The following IQGAP2 variants were observed in gnomAD, a reference collection of about 807,000 sequenced individuals.
IQGAP2 encodes ras GTPase-activating-like protein IQGAP2.
A neutral mutation model predicts 201.3 loss-of-function variants in IQGAP2; 173 were observed. The observed-to-expected ratio is 0.86, with a 90% CI of 0.76 to 0.98. The LOEUF (loss-of-function observed/expected upper bound fraction) is 0.98. Among genes scored for constraint, IQGAP2 ranks in the 50% least tolerant of loss-of-function variants. The pLI is 0.00. For synonymous variants in IQGAP2, 675 were observed against 673.9 expected (o/e 1.00, Z -0.03); for missense variants, 1,687 against 1,864.8 (o/e 0.90, Z 1.76).
chr5:76,446,158 A>G (rs530051547), intron 1 of IQGAP2, among the ~76,000 whole-genome samples: 35 of 152,308 alleles, frequency 2.3e-4, no homozygotes, highest in African/African-American at 8.4e-4. Flanking sequence ...TTAGGTACAA[A>G]TATCTGCTGG....
At chr5:76,409,452 G>A (rs1027309993) in intron 1 of IQGAP2, among the ~76,000 whole-genome samples, 3 of 151,544 alleles carry the variant, frequency 2.0e-5, no homozygotes, top group Non-Finnish European at 2.9e-5. Context: ...TCATCATGTC[G>A]GCCAGGCTGG....
At chr5:76,509,029 ATGTG>A (rs70982616) in intron 2 of IQGAP2, among the ~76,000 whole-genome samples, 1,842 of 148,944 alleles carry the variant, frequency 0.012, 20 homozygotes, top group African/African-American at 0.029. Flanking sequence ...CTGTATATAT[ATGTG>A]TGTGTGTGTG....
chr5:76,623,110 T>C (rs1749869715), intron 13 of IQGAP2: 1 of 1,540,632 alleles, frequency 6.5e-7, no homozygotes, highest in Non-Finnish European at 9.0e-7. Flanking sequence ...TTCAGTTGAC[T>C]CTTAATTTGT....
intron 9 of IQGAP2, among the ~76,000 whole-genome samples, chr5:76,595,993 T>C (rs1438718547): frequency 6.6e-6 from 1 of 152,100 alleles, no homozygotes; most frequent in East Asian, 1.9e-4. Flanking sequence ...AATTTTTTGG[T>C]TTGTCACATT....
chr5:76,427,067 A>C (rs1448867854), intron 1 of IQGAP2, among the ~76,000 whole-genome samples: 1 of 152,168 alleles, frequency 6.6e-6, no homozygotes, highest in Non-Finnish European at 1.5e-5. Context: ...TCTCAGCCTC[A>C]GCACTGCTGA....
At chr5:76,655,275 T>C (rs1158243041) in intron 20 of IQGAP2, among the ~76,000 whole-genome samples, 3 of 152,030 alleles carry the variant, frequency 2.0e-5, no homozygotes, top group Admixed American at 6.5e-5. Context: ...ATGCTGATTT[T>C]TTTTTTTCAA....
chr5:76,696,117 GAAAAC>G (rs1310798360), intron 32 of IQGAP2, among the ~76,000 whole-genome samples: 1 of 152,130 alleles, frequency 6.6e-6, no homozygotes, highest in Non-Finnish European at 1.5e-5. Flanking sequence ...ACTTTTAAGA[GAAAAC>G]AATCACAACA....
intron 17 of IQGAP2, among the ~76,000 whole-genome samples, chr5:76,643,864 C>T (rs1751787493): frequency 6.6e-6 from 1 of 152,048 alleles, no homozygotes; most frequent in African/African-American, 2.4e-5. Context: ...AGGGGATGGC[C>T]TGGGAGAGTC....
intron 17 of IQGAP2, among the ~76,000 whole-genome samples, chr5:76,647,085 A>G (rs752381524): frequency 2.6e-5 from 4 of 152,150 alleles, no homozygotes; most frequent in Non-Finnish European, 5.9e-5. Context: ...TAATATAGTA[A>G]GCTTTAAGGA....
chr5:76,462,129 C>T (rs777575357), intron 2 of IQGAP2, among the ~76,000 whole-genome samples: 12 of 152,312 alleles, frequency 7.9e-5, no homozygotes, highest in Non-Finnish European at 1.5e-4. Context: ...CAGGAAATCA[C>T]GGGGCCAACT....
intron 1 of IQGAP2, among the ~76,000 whole-genome samples, chr5:76,422,722 A>G (rs979999707): frequency 6.6e-6 from 1 of 152,228 alleles, no homozygotes; most frequent in Admixed American, 6.5e-5. Context: ...GGACAGGTCT[A>G]TGAGAAGGAG....
intron 4 of IQGAP2, among the ~76,000 whole-genome samples, chr5:76,572,324 G>C (rs986003672): frequency 6.6e-6 from 1 of 150,758 alleles, no homozygotes; most frequent in Non-Finnish European, 1.5e-5. Flanking sequence ...AGTGATTCTC[G>C]GGGTTATCAC....
At chr5:76,586,105 A>T (rs1006617855) in intron 5 of IQGAP2, among the ~76,000 whole-genome samples, 5 of 152,192 alleles carry the variant, frequency 3.3e-5, no homozygotes, top group Admixed American at 3.3e-4. Context: ...GTTGGCATGA[A>T]CCTTTGGTAG....
At chr5:76,592,962 C>A in intron 9 of IQGAP2, 37 bp downstream of exon 9, 1 of 1,373,028 alleles carries the variant, frequency 7.3e-7, no homozygotes, top group Non-Finnish European at 1.0e-6. Context: ...TTGATATTTC[C>A]GTAAGATACA....
chr5:76,665,646 G>A (rs1179509257), intron 22 of IQGAP2, among the ~76,000 whole-genome samples: 1 of 152,170 alleles, frequency 6.6e-6, no homozygotes, highest in Non-Finnish European at 1.5e-5. Flanking sequence ...AAGAGCCAGA[G>A]GGTTTGGGAT....
intron 2 of IQGAP2, among the ~76,000 whole-genome samples, chr5:76,509,029 ATGTGTGTGTGTG>A (rs70982616): frequency 8.7e-5 from 13 of 148,952 alleles, no homozygotes; most frequent in East Asian, 4.0e-4. Context: ...CTGTATATAT[ATGTGTGTGTGTG>A]TGTGTGTGTG....
At chr5:76,589,203 T>C (rs1746463314) in intron 6 of IQGAP2, among the ~76,000 whole-genome samples, 1 of 151,564 alleles carries the variant, frequency 6.6e-6, no homozygotes, top group Non-Finnish European at 1.5e-5. Flanking sequence ...TCCCAGCTAC[T>C]TGGGAGGCTG....
At chr5:76,457,753 T>C (rs982757966) in intron 1 of IQGAP2, among the ~76,000 whole-genome samples, 1 of 152,356 alleles carries the variant, frequency 6.6e-6, no homozygotes, top group East Asian at 1.9e-4. Context: ...ATTTCTAATT[T>C]ATACTTCTAT....
At chr5:76,656,444 A>C (rs541357827) in intron 20 of IQGAP2, among the ~76,000 whole-genome samples, 186 of 150,960 alleles carry the variant, frequency 1.2e-3, no homozygotes, top group Non-Finnish European at 2.3e-3. Context: ...GCCTCCCAAA[A>C]TGCTGGGATT....
Sources: allele counts gnomAD v4.1 joint callset (sites outside exome capture counted in the v4.1 genomes callset), GRCh38; gene constraint gnomAD v4.1.1; transcripts MANE v1.5; gene names NCBI Gene and HGNC (gene_info 2026-07-23, HGNC 2026-07-21).